Variants in CACNA1C observed in about 807,000 individuals in gnomAD.
CACNA1C encodes the protein calcium voltage-gated channel subunit alpha1 C.
CACNA1C carries 30 observed loss-of-function variants against 229.0 expected under a neutral mutation model. The ratio of observed to expected loss-of-function variants is 0.13; its 90% confidence interval spans 0.10 to 0.18. CACNA1C has a LOEUF of 0.18. Ranked by LOEUF, CACNA1C falls within the 10% of genes least tolerant of loss-of-function variation. The pLI is 1.00. For missense variants in CACNA1C, 1,658 were observed against 2,845.0 expected, an observed-to-expected ratio of 0.58 and a Z score of 9.49; for synonymous variants, 1,114 against 1,132.5, an observed-to-expected ratio of 0.98 and a Z score of 0.33.
At chr12:2,462,904 A>G (rs2099520898) in intron 5 of CACNA1C, among the ~76,000 whole-genome samples, 3 of 148,150 alleles carry the variant, frequency 2.0e-5, no homozygotes, top group Non-Finnish European at 4.5e-5. Context: ...AGGCCCCAAA[A>G]GTTGCATTTT....
In CACNA1C at chr12:2,067,381, C is replaced by A. The variant is rs1462702035; in HGVS notation, c.49+13770C>A. Among the ~76,000 whole-genome samples, 1 of 151,350 alleles carries A rather than the reference C, an allele frequency of 6.6e-6. No individual in the cohort carries two copies. ...GGGGAGCATAACAGGAAGAAGATGA[C>A]AAAAGCCTGGGTGGTGGAGATGGTG... is the stretch of plus-strand genomic sequence containing the variant. On this transcript the variant is annotated intron_variant, in intron 1 of 46. Coordinates refer to ENST00000399655, the MANE Select transcript of CACNA1C (RefSeq NM_000719.7). This position sits in a 1 kb window ranked among gnomAD's most constrained non-coding sequence, Gnocchi z 5.3.
intron 1 of CACNA1C, among the ~76,000 whole-genome samples, chr12:2,095,026 T>G (rs1004657871): frequency 7.2e-5 from 11 of 152,186 alleles, no homozygotes; most frequent in African/African-American, 2.7e-4. Flanking sequence ...CTCAGAGATA[T>G]CTAAGTCTCA....
intron 3 of CACNA1C, among the ~76,000 whole-genome samples, chr12:2,433,065 C>T (rs181188193): frequency 7.2e-5 from 11 of 152,320 alleles, no homozygotes; most frequent in African/African-American, 2.6e-4. Context: ...TCCTGTTCCA[C>T]GCGTTTGACG....
At position 2,364,650 on chromosome 12, in the gene CACNA1C, G is replaced by A. The variant is rs142892399; in HGVS notation, c.478-84326G>A. Among the ~76,000 whole-genome samples, 26 of 152,308 alleles carry A rather than the reference G, an allele frequency of 1.7e-4. No homozygotes were observed. In the East Asian group the frequency reaches 5.0e-3, roughly 29 times the overall value. The stretch of plus-strand genomic sequence containing the variant: ...CTGAGAGGTCCAGCTCTCAAGAAGT[G>A]GGAGCAGCTCTAGGGATGGCCACGC... On this transcript the variant is annotated intron_variant, in intron 3 of 46. Coordinates refer to ENST00000399655, the MANE Select transcript of CACNA1C (RefSeq NM_000719.7).
intron 30 of CACNA1C, among the ~76,000 whole-genome samples, chr12:2,637,411 C>A (rs959918030): frequency 6.6e-6 from 1 of 152,206 alleles, no homozygotes; most frequent in Non-Finnish European, 1.5e-5. Flanking sequence ...TTATAACTTA[C>A]AACCCACAGT....
At chr12:2,261,633 G>A (rs1198740459) in intron 3 of CACNA1C, among the ~76,000 whole-genome samples, 1 of 152,204 alleles carries the variant, frequency 6.6e-6, no homozygotes, top group Non-Finnish European at 1.5e-5. Flanking sequence ...CCTTGCATAT[G>A]GTAATCACTG....
chr12:2,199,730 A>G (rs1449723562), intron 3 of CACNA1C, among the ~76,000 whole-genome samples: 3 of 152,008 alleles, frequency 2.0e-5, no homozygotes, highest in Admixed American at 6.5e-5. Flanking sequence ...TTCCTCTGTC[A>G]GGTCCCAGAG....
rs555499653 is a variant in CACNA1C, at chr12:2,188,246, GAAT to G, written c.477+67818_477+67820del. ...ATGCATCTACCTCGCACATCAAATA[GAAT>G]ATATTTGCTATAACACAATTGGGAA... is the stretch of plus-strand genomic sequence containing the variant. On this transcript the variant is annotated intron_variant, in intron 3 of 46. Coordinates refer to ENST00000399655, the MANE Select transcript of CACNA1C (RefSeq NM_000719.7). Among the ~76,000 whole-genome samples, 3 of 152,226 alleles carry G rather than the reference GAAT, an allele frequency of 2.0e-5. No homozygotes were observed. In the South Asian group the frequency reaches 6.2e-4, roughly 32 times the overall value.
At chr12:1,988,144 C>G (rs2038336471) in intron 1 of CACNA1C, among the ~76,000 whole-genome samples, 1 of 152,140 alleles carries the variant, frequency 6.6e-6, no homozygotes, top group African/African-American at 2.4e-5. Flanking sequence ...GCTACAGTAA[C>G]AAATGACACC....
At chr12:2,407,970 G>A (rs1370882630) in intron 3 of CACNA1C, among the ~76,000 whole-genome samples, 2 of 152,192 alleles carry the variant, frequency 1.3e-5, no homozygotes, top group African/African-American at 2.4e-5. Context: ...TCTTCCCCCA[G>A]CAAAGGCCAA....
intron 9 of CACNA1C, among the ~76,000 whole-genome samples, chr12:2,515,329 T>TTAAGGAATCAGAGGCC (rs1274401464): frequency 6.6e-6 from 1 of 152,184 alleles, no homozygotes; most frequent in African/African-American, 2.4e-5. Flanking sequence ...GATGAAATGA[T>TTAAGGAATCAGAGGCC]TAAGGAATCA....
intron 3 of CACNA1C, among the ~76,000 whole-genome samples, chr12:2,127,534 CA>C (rs2090576041): frequency 6.6e-6 from 1 of 152,214 alleles, no homozygotes; most frequent in African/African-American, 2.4e-5. Context: ...TAGATAACTA[CA>C]AGCAACAAAC....
chr12:2,260,475 T>TAAA (rs549203538), intron 3 of CACNA1C, among the ~76,000 whole-genome samples: 4 of 100,976 alleles, frequency 4.0e-5, no homozygotes, highest in South Asian at 6.6e-4. Context: ...CTGTCTCTAT[T>TAAA]AAAAAAAAAA....
chr12:2,635,613 A>C (rs1179381323), intron 30 of CACNA1C, among the ~76,000 whole-genome samples: 1 of 151,388 alleles, frequency 6.6e-6, no homozygotes, highest in African/African-American at 2.4e-5. Flanking sequence ...TGCCTGCCAG[A>C]TTCTTCCAGA....
At position 2,410,723 on chromosome 12, in the gene CACNA1C, CAT is replaced by C. The variant is rs1567525643; in HGVS notation, c.478-38252_478-38251del. ...CTGTGTGTGTGTGTGTGCGTGCACG[CAT>C]GTGTGTGTGTGCATGCGTGTGTGTA... On this transcript the variant is annotated intron_variant, in intron 3 of 46. Transcript: ENST00000399655. This position sits in a 1 kb window ranked among gnomAD's most constrained non-coding sequence, Gnocchi z 5.3. 7.7e-6 allele frequency among the ~76,000 whole-genome samples: 1 copy of C among 129,208 alleles called. No homozygotes were observed. Among genetic ancestry groups the C allele is most frequent in the African/African-American group, 3.0e-5 (1 of 33,042 alleles). 84.8% of individuals were successfully genotyped at this position (129,208 alleles called of 152,430 possible).
At chr12:2,059,631 G>C (rs12371253) in intron 1 of CACNA1C, among the ~76,000 whole-genome samples, 26,274 of 152,088 alleles carry the variant, frequency 0.17, 2,448 homozygotes, top group African/African-American at 0.23. Context: ...GCTAGGCTCT[G>C]GTTCGTTAAA....
intron 3 of CACNA1C, among the ~76,000 whole-genome samples, chr12:2,257,171 C>T (rs766853478): frequency 3.3e-5 from 5 of 152,130 alleles, no homozygotes; most frequent in Non-Finnish European, 7.3e-5. Flanking sequence ...CGGCCAAGAT[C>T]GTCCAGGCCC....
upstream of CACNA1C, chr12:2,049,149 A>G (rs1405238367): frequency 6.6e-6 from 1 of 152,230 alleles, no homozygotes; most frequent in Non-Finnish European, 1.5e-5. Flanking sequence ...AACTGTATGA[A>G]TGCACTCTAG....
chr12:2,123,914 G>A (rs939606237), intron 3 of CACNA1C, among the ~76,000 whole-genome samples: 1 of 152,200 alleles, frequency 6.6e-6, no homozygotes, highest in African/African-American at 2.4e-5. Context: ...GCCAAAATAT[G>A]TAAAGCCCTT....
Sources: gnomAD v4.1 joint callset for allele counts (sites outside exome capture counted in the v4.1 genomes callset) on GRCh38, gnomAD v4.1.1 for gene constraint, Gnocchi (gnomAD v3.1) non-coding constraint, MANE v1.5 for transcripts, NCBI Gene and HGNC (gene_info 2026-07-23, HGNC 2026-07-21) for gene names.